The following PLA2G6 variants were observed in gnomAD, a reference collection of about 807,000 sequenced individuals.
PLA2G6 encodes the protein phospholipase A2 group VI, also known as 85/88 kDa calcium-independent phospholipase A2.
PLA2G6 carries 62 observed loss-of-function variants against 83.8 expected under a neutral mutation model. The observed-to-expected ratio is 0.74, with a 90% CI of 0.60 to 0.91. The LOEUF is 0.91. Among genes scored for constraint, PLA2G6 ranks in the 40% least tolerant of loss-of-function variants. The probability of loss-of-function intolerance (pLI) is 0.00; values close to 1 mark genes in which losing one functional copy is unlikely to be tolerated. For missense variants in PLA2G6, 944 were observed against 1,102.0 expected, an observed-to-expected ratio of 0.86 and a Z score of 2.03; for synonymous variants, 417 against 449.8, an observed-to-expected ratio of 0.93 and a Z score of 0.92.
chr22:38,156,546 C>T (rs1361504835), intron 2 of PLA2G6, among the ~76,000 whole-genome samples: 12 of 152,046 alleles, frequency 7.9e-5, no homozygotes, highest in African/African-American at 1.9e-4. Context: ...CTCTGCCTCC[C>T]GGGTTCACAC....
At chr22:38,181,114 G>A (rs989595464) in intron 1 of PLA2G6, among the ~76,000 whole-genome samples, 1 of 152,046 alleles carries the variant, frequency 6.6e-6, no homozygotes, top group African/African-American at 2.4e-5. Flanking sequence ...GATCACCCTG[G>A]TCACATGCTC....
chr22:38,160,989 T>C (rs1374273211), intron 2 of PLA2G6, among the ~76,000 whole-genome samples: 1 of 152,230 alleles, frequency 6.6e-6, no homozygotes, highest in Non-Finnish European at 1.5e-5. Flanking sequence ...GATAAATCAC[T>C]GAGCTGTATA....
intron 1 of PLA2G6, among the ~76,000 whole-genome samples, chr22:38,170,383 G>C (rs941045151): frequency 2.0e-5 from 3 of 151,934 alleles, no homozygotes; most frequent in Admixed American, 6.6e-5. Flanking sequence ...AGCTCCGAGA[G>C]ACAGCACACA....
Position 38,127,513 on chromosome 22 carries a change from G to A in PLA2G6, c.1348+756C>T. The A allele has an allele frequency of 3.5e-6, 4 of 1,138,424 alleles. No individual in the cohort carries two copies. The South Asian group carries it at 5.1e-5, about 15-fold the overall frequency. The allele number at this position is 1,138,424 out of a possible 1,614,324, so 70.5% of individuals were successfully genotyped here. The stretch of plus-strand genomic sequence containing the variant: ...TGGAGGGGGAGTTCCTGGGAGGGGA[G>A]AGAGAGGTGGAGCCAGGACTAGAAG... On this transcript the variant is annotated intron_variant, in intron 9 of 16. Transcript: ENST00000332509.
intron 1 of PLA2G6, chr22:38,180,422 T>A (rs1305168393): frequency 6.6e-6 from 1 of 152,152 alleles, no homozygotes; most frequent in Non-Finnish European, 1.5e-5. Flanking sequence ...CTTTTTCTCA[T>A]GTGAAGTGAG....
chr22:38,174,712 G>A (rs2090566120), intron 1 of PLA2G6, among the ~76,000 whole-genome samples: 1 of 152,206 alleles, frequency 6.6e-6, no homozygotes, highest in South Asian at 2.1e-4. Context: ...GCAGAGATCA[G>A]GGGCTTGCTC....
At chr22:38,118,070 CA>C (rs2087313869) in intron 12 of PLA2G6, among the ~76,000 whole-genome samples, 3 of 151,074 alleles carry the variant, frequency 2.0e-5, no homozygotes, top group Non-Finnish European at 4.4e-5. Context: ...AAGCCAGTCA[CA>C]AAAAGACAAA....
Position 38,169,406 on chromosome 22 carries a change from C to G in PLA2G6, c.21G>C (p.Leu7=). The G allele has an allele frequency of 6.2e-7, 1 of 1,614,188 alleles. No individual in the cohort carries two copies. Residue 7 remains leucine, a synonymous_variant, in exon 2 of 17, where the codon CTG becomes CTC. Transcript: ENST00000332509. ...TGGTGACGCCACTGAAGGTATTGAC[C>G]AGGCGGCCAAAGAACTGCATCTTCT... is the stretch of plus-strand genomic sequence containing the variant. MQFFGR[L]VNTFSGVTNL...
At chr22:38,179,284 G>T (rs2090755438) in intron 1 of PLA2G6, among the ~76,000 whole-genome samples, 1 of 152,192 alleles carries the variant, frequency 6.6e-6, no homozygotes, top group African/African-American at 2.4e-5. Context: ...CCACTGCAAA[G>T]AAACAACATT....
chr22:38,151,385 G>A (rs2089552479), intron 2 of PLA2G6, among the ~76,000 whole-genome samples: 2 of 151,788 alleles, frequency 1.3e-5, no homozygotes, highest in Admixed American at 6.6e-5. Context: ...TAGCAGGGAC[G>A]TGAACCACCA....
chr22:38,174,322 C>T (rs1049253202), intron 1 of PLA2G6, among the ~76,000 whole-genome samples: 8 of 152,010 alleles, frequency 5.3e-5, no homozygotes, highest in African/African-American at 9.7e-5. Flanking sequence ...GGCGTGAACC[C>T]GGGAGGCGGA....
At chr22:38,135,907 T>G (rs887494059) in intron 5 of PLA2G6, 1 of 152,126 alleles carries the variant, frequency 6.6e-6, no homozygotes, top group Non-Finnish European at 1.5e-5. Context: ...ACAGCAGCAT[T>G]CTTCACAACA....
rs1307165130 is a variant in PLA2G6 at position 38,132,748 on chromosome 22, T to G, written c.1077+83A>C. On this transcript the variant is annotated intron_variant, in intron 7 of 16. Transcript: ENST00000332509. The surrounding 1 kb of genome is among the most constrained non-coding windows in gnomAD (Gnocchi z 5.0). ...GCAGCTGACGATAGGAGGGAGACAGTGGGGAGGAGGGCTCCAGTCCGGACA... is the reference window on the plus strand; with the variant it reads ...GCAGCTGACGATAGGAGGGAGACAGGGGGGAGGAGGGCTCCAGTCCGGACA... 1.1e-5 allele frequency: 13 copies of G among 1,214,082 alleles called. No individual in the cohort carries two copies. The highest frequency in any genetic ancestry group is 2.7e-4 in the Middle Eastern group (1 of 3,738). 75.2% of individuals were successfully genotyped at this position (1,214,082 alleles called of 1,614,324 possible).
intron 2 of PLA2G6, chr22:38,150,043 CCCA>C (rs2145851387): frequency 7.0e-6 from 1 of 142,626 alleles, no homozygotes; most frequent in African/African-American, 2.7e-5. Context: ...CCTCCCTGAC[CCCA>C]CCACCAAAAA....
At position 38,116,198 on chromosome 22, in the gene PLA2G6, C is replaced by T. The variant is rs2087183662; in HGVS notation, c.1756G>A (p.Gly586Arg). The T allele has an allele frequency of 6.2e-6, 10 of 1,614,074 alleles. No individual in the cohort carries two copies. The highest frequency in any genetic ancestry group is 7.6e-6 in the Non-Finnish European group (9 of 1,179,996). Residue 586 changes from glycine to arginine, a missense_variant, in exon 13 of 17, where the codon GGG becomes AGG. Physicochemically the swap from Gly to Arg is moderately radical, Grantham distance 125. Transcript: ENST00000332509. ...GCCGGCTGCCGGTCAGACAGTGTCC[C>T]TGTCAGCATCACCCTGGAGAGAAAT... ...DVRKPKVMLT[G>R]TLSDRQPAEL... is the part of the protein sequence containing the mutation.
chr22:38,142,755 C>A, intron 4 of PLA2G6: 1 of 381,010 alleles, frequency 2.6e-6, no homozygotes, highest in Admixed American at 3.7e-5. Flanking sequence ...AGCCCAGGTC[C>A]CGCTGGCCCA....
chr22:38,126,101 G>A (rs2087836494), intron 10 of PLA2G6: 1 of 518,774 alleles, frequency 1.9e-6, no homozygotes, highest in Non-Finnish European at 3.6e-6. Flanking sequence ...AGATCAGGGA[G>A]GGAGGCCAGA....
chr22:38,165,243 C>T (rs749107101), intron 2 of PLA2G6, among the ~76,000 whole-genome samples: 11 of 152,188 alleles, frequency 7.2e-5, no homozygotes, highest in Non-Finnish European at 1.2e-4. Flanking sequence ...GTTCCACAAA[C>T]CTGATCTACG....
At position 38,132,016 on chromosome 22, in the gene PLA2G6, G is replaced by C. The variant is rs1423455025; in HGVS notation, c.1077+815C>G. On this transcript the variant is annotated intron_variant, in intron 7 of 16. Transcript: ENST00000332509. The surrounding 1 kb of genome is among the most constrained non-coding windows in gnomAD (Gnocchi z 5.0). ...TGCAGTCCCAGCTACTTGGGAGGCT[G>C]AGGCAGGAGAATCGCTTGAACCTGG... 1 of 406,306 alleles carries C rather than the reference G, an allele frequency of 2.5e-6. No homozygotes were observed. Among genetic ancestry groups the C allele is most frequent in the Non-Finnish European group, 4.9e-6 (1 of 203,560 alleles). 25.2% of individuals were successfully genotyped at this position (406,306 alleles called of 1,614,324 possible).
Sources: allele counts gnomAD v4.1 joint callset (sites outside exome capture counted in the v4.1 genomes callset), GRCh38; gene constraint gnomAD v4.1.1; non-coding constraint Gnocchi (gnomAD v3.1); transcripts MANE v1.5; gene names NCBI Gene and HGNC (gene_info 2026-07-23, HGNC 2026-07-21).